NFASC: variants seen among roughly 807,000 people sequenced by gnomAD.
NFASC encodes neurofascin homolog.
Under a neutral mutation model 147.5 loss-of-function variants are expected in NFASC, and 43 were observed. The ratio of observed to expected loss-of-function variants is 0.29; its 90% CI spans 0.23 to 0.38. The LOEUF (loss-of-function observed/expected upper bound fraction) is 0.38, where lower values mean the gene tolerates loss of function less well. Ranked by LOEUF, NFASC falls within the 10% of genes least tolerant of loss-of-function variation. The probability of loss-of-function intolerance (pLI) is 1.00; values close to 1 mark genes in which losing one functional copy is unlikely to be tolerated. For missense variants in NFASC, 1,320 were observed against 1,689.0 expected, an observed-to-expected ratio of 0.78 and a Z score of 3.83; for synonymous variants, 622 against 665.5, an observed-to-expected ratio of 0.93 and a Z score of 1.01.
At position 204,987,848 on chromosome 1, in the gene NFASC, C is replaced by T. The variant is rs1444790694; in HGVS notation, c.2593+308C>T. Among the ~76,000 whole-genome samples the T allele has an allele frequency of 6.6e-6, 1 of 152,198 alleles. No homozygotes were observed. The highest frequency in any genetic ancestry group is 1.5e-5 in the Non-Finnish European group (1 of 68,036). ...TTGTAGTCTCCAACACGTACAGAGT[C>T]TAGGAGAGAGAGTTCCTCAAGCTCT... On this transcript the variant is annotated intron_variant, in intron 22 of 29. Coordinates refer to ENST00000339876, the MANE Select transcript of NFASC (RefSeq NM_001005388.3). This position sits in a 1 kb window ranked among gnomAD's most constrained non-coding sequence, Gnocchi z 4.4.
At chr1:204,912,470 G>C (rs2087829717) in intron 1 of NFASC, among the ~76,000 whole-genome samples, 1 of 151,292 alleles carries the variant, frequency 6.6e-6, no homozygotes, top group African/African-American at 2.4e-5. Context: ...GCTGAGGCAG[G>C]TGGATTACCT....
chr1:204,872,294 G>A (rs1456037805), intron 1 of NFASC, among the ~76,000 whole-genome samples: 1 of 152,218 alleles, frequency 6.6e-6, no homozygotes, highest in Non-Finnish European at 1.5e-5. Flanking sequence ...GCCGCAGGGT[G>A]ATGAGGAGGC....
intron 29 of NFASC, among the ~76,000 whole-genome samples, chr1:205,013,700 G>C (rs912537754): frequency 6.6e-6 from 1 of 152,214 alleles, no homozygotes; most frequent in Non-Finnish European, 1.5e-5. Flanking sequence ...GGGCTGTGGA[G>C]TGTCATTCCC....
rs954264902 is a variant in NFASC, at chr1:204,975,912, A to G, written c.1706+494A>G. On this transcript the variant is annotated intron_variant, in intron 15 of 29. Transcript: ENST00000339876. The surrounding 1 kb of genome is among the most constrained non-coding windows in gnomAD (Gnocchi z 4.0). Reference sequence around the variant, plus strand: ...CGCCTGCCCCGCTCCTCAGACCCTGATTTCATTGGTGTAGGGTAGGACTTA... The same window carrying G: ...CGCCTGCCCCGCTCCTCAGACCCTGGTTTCATTGGTGTAGGGTAGGACTTA... 3.9e-5 allele frequency among the ~76,000 whole-genome samples: 6 copies of G among 152,024 alleles called. No individual in the cohort carries two copies. Among genetic ancestry groups the G allele is most frequent in the East Asian group, 1.9e-4 (1 of 5,172 alleles).
chr1:204,980,046 T>G (rs1173855143), intron 19 of NFASC, among the ~76,000 whole-genome samples: 1 of 152,218 alleles, frequency 6.6e-6, no homozygotes, highest in East Asian at 1.9e-4. Flanking sequence ...ATGAAACACA[T>G]TTAGTGGATA....
In NFASC at chr1:205,009,405, A is replaced by T. The variant is rs1530745; in HGVS notation, c.3290-152A>T. 6 of 816,976 alleles carry T rather than the reference A, an allele frequency of 7.3e-6. No individual in the cohort carries two copies. In the African/African-American group the frequency reaches 8.3e-5, roughly 11 times the overall value. The allele number at this position is 816,976 out of a possible 1,614,324, so 50.6% of individuals were successfully genotyped here. On this transcript the variant is annotated intron_variant, in intron 27 of 29. Transcript: ENST00000339876. ...AATTATTTTCTTTTTGTCCTTTAGCAGGGTAGTTTGGGCCAGGGGGCTGCT... is the reference window on the plus strand; with the variant it reads ...AATTATTTTCTTTTTGTCCTTTAGCTGGGTAGTTTGGGCCAGGGGGCTGCT...
rs562264603 is a variant in NFASC, at chr1:204,854,311, C to T, written c.-200+25529C>T. The stretch of plus-strand genomic sequence containing the variant: ...GATGCCTAACCCAATAGGTGAATGC[C>T]TATCTTGCCAGTAAGGGAGCTGGCA... On this transcript the variant is annotated intron_variant, in intron 1 of 29. Coordinates refer to ENST00000339876, the MANE Select transcript of NFASC (RefSeq NM_001005388.3). 2.1e-3 allele frequency among the ~76,000 whole-genome samples: 325 copies of T among 152,312 alleles called. 2 individuals are homozygous for T. The highest frequency in any genetic ancestry group is 3.2e-3 in the Non-Finnish European group (220 of 68,038).
At chr1:204,984,139 C>A (rs1298916773) in intron 21 of NFASC, 1 of 1,610,806 alleles carries the variant, frequency 6.2e-7, no homozygotes, top group Non-Finnish European at 8.5e-7. Flanking sequence ...TCAGAGAGTA[C>A]CGAGTGAGGA....
At chr1:204,934,197 A>T (rs150239512) in intron 2 of NFASC, among the ~76,000 whole-genome samples, 5 of 150,742 alleles carry the variant, frequency 3.3e-5, no homozygotes, top group Non-Finnish European at 7.4e-5. Flanking sequence ...TGAGGCAGAG[A>T]GCCAGTTGAG....
intron 1 of NFASC, among the ~76,000 whole-genome samples, chr1:204,829,272 T>G (rs1671522455): frequency 6.6e-6 from 1 of 150,666 alleles, no homozygotes; most frequent in African/African-American, 2.4e-5. Context: ...CTCCCTCAGT[T>G]TCTGTCCTCC....
intron 2 of NFASC, among the ~76,000 whole-genome samples, chr1:204,932,499 A>T (rs1303846847): frequency 1.3e-5 from 2 of 152,156 alleles, no homozygotes; most frequent in Non-Finnish European, 2.9e-5. Context: ...TAAGATTGAC[A>T]GCGTTTGCAA....
chr1:205,016,034 A>G lies in NFASC; in HGVS notation c.3492-274A>G, dbSNP rs765491354. Among the ~76,000 whole-genome samples, 1 of 152,080 alleles carries G rather than the reference A, an allele frequency of 6.6e-6. No individual in the cohort carries two copies. Among genetic ancestry groups the G allele is most frequent in the Non-Finnish European group, 1.5e-5 (1 of 68,014 alleles). ...CACTTCCACCACACACAGGGACCCA[A>G]TCTCATGGAAAAGACCCAGAACAGG... On this transcript the variant is annotated intron_variant, in intron 29 of 29. Coordinates refer to ENST00000339876, the MANE Select transcript of NFASC (RefSeq NM_001005388.3). This position sits in a 1 kb window ranked among gnomAD's most constrained non-coding sequence, Gnocchi z 5.1.
At chr1:205,012,282 C>T (rs2096268061) in intron 28 of NFASC, among the ~76,000 whole-genome samples, 1 of 152,234 alleles carries the variant, frequency 6.6e-6, no homozygotes, top group African/African-American at 2.4e-5. Context: ...AGAAGAGACA[C>T]TTTCCATCCC....
chr1:204,968,144 C>T lies in NFASC; in HGVS notation c.707-105C>T. ...TTGGGATGGTTTCAGCTGGGAGGAT[C>T]CGGCAGGGGCGGTGATGCCACTTCT... is the stretch of plus-strand genomic sequence containing the variant. On this transcript the variant is annotated intron_variant, in intron 8 of 29. Coordinates refer to ENST00000339876, the MANE Select transcript of NFASC (RefSeq NM_001005388.3). This position sits in a 1 kb window ranked among gnomAD's most constrained non-coding sequence, Gnocchi z 5.4. The T allele has an allele frequency of 1.2e-6, 1 of 800,250 alleles. No individual in the cohort carries two copies. Among genetic ancestry groups the T allele is most frequent in the South Asian group, 1.5e-5 (1 of 65,172 alleles). The allele number at this position is 800,250 out of a possible 1,614,324, so 49.6% of individuals were successfully genotyped here. A position where few individuals can be genotyped will look rare whatever the true frequency, so the allele number is the denominator to read the frequency against.
intron 1 of NFASC, among the ~76,000 whole-genome samples, chr1:204,873,633 G>T (rs1417829474): frequency 1.3e-5 from 2 of 152,166 alleles, no homozygotes; most frequent in African/African-American, 4.8e-5. Flanking sequence ...TAGGACACAA[G>T]CATCTGCGGG....
rs751941976 is a variant in NFASC at position 205,016,405 on chromosome 1, G to A, written c.3589G>A (p.Gly1197Ser). Residue 1197 changes from glycine (G) to serine (S), a missense_variant, in exon 30 of 30, where the codon GGT becomes AGT. Gly to Ser is a moderately conservative substitution (Grantham distance 56, BLOSUM62 0). Around this residue, in one of 3 missense-constraint regions of NFASC, gnomAD observed 167 missense variants for 233.8 expected, o/e 0.71. Transcript: ENST00000339876. This position sits in a 1 kb window ranked among gnomAD's most constrained non-coding sequence, Gnocchi z 5.1. Reference protein sequence around the residue: ...SDDSLVDYGEGGEGQFNEDGS... With the variant: ...SDDSLVDYGESGEGQFNEDGS... ...CGACAGCCTGGTGGACTATGGCGAGGGTGGCGAGGGTCAGTTCAATGAAGA... is the reference window on the plus strand; with the variant it reads ...CGACAGCCTGGTGGACTATGGCGAGAGTGGCGAGGGTCAGTTCAATGAAGA... 2.5e-6 allele frequency: 4 copies of A among 1,614,032 alleles called. No individual in the cohort carries two copies. Among genetic ancestry groups the A allele is most frequent in the Non-Finnish European group, 3.4e-6 (4 of 1,179,950 alleles).
chr1:204,946,903 C>A, intron 3 of NFASC: 1 of 419,432 alleles, frequency 2.4e-6, no homozygotes, highest in Non-Finnish European at 4.8e-6. Context: ...ATCCCACCGC[C>A]CCTGACACAA....
chr1:204,887,586 CTTTTTTTTTTTTTT>C (rs200468415), intron 1 of NFASC, among the ~76,000 whole-genome samples: 3,653 of 42,556 alleles, frequency 0.086, 239 homozygotes, highest in East Asian at 0.41. Flanking sequence ...GCCTGATTGG[CTTTTTTTTTTTTTT>C]TTTTTTTTTT....
chr1:204,889,536 G>A (rs1354878729), intron 1 of NFASC, among the ~76,000 whole-genome samples: 1 of 152,212 alleles, frequency 6.6e-6, no homozygotes, highest in African/African-American at 2.4e-5. Flanking sequence ...TTTTGTGACA[G>A]CAGAAGCTAC....
Sources: allele counts gnomAD v4.1 joint callset (sites outside exome capture counted in the v4.1 genomes callset), GRCh38; gene constraint gnomAD v4.1.1; regional missense constraint gnomAD v4.1.1; non-coding constraint Gnocchi (gnomAD v3.1); transcripts MANE v1.5; gene names NCBI Gene and HGNC (gene_info 2026-07-23, HGNC 2026-07-21).